TMTC3: variants seen among roughly 807,000 people sequenced by gnomAD.
The protein encoded by TMTC3 is protein O-mannosyl-transferase TMTC3.
A neutral mutation model predicts 92.2 loss-of-function variants in TMTC3; 52 were observed. The observed-to-expected ratio is 0.56, with a 90% CI of 0.45 to 0.71. The LOEUF (loss-of-function observed/expected upper bound fraction) is 0.71, where lower values mean the gene tolerates loss of function less well. Among genes scored for constraint, TMTC3 ranks in the 30% least tolerant of loss-of-function variants. The probability of loss-of-function intolerance (pLI) is 0.00; values close to 1 mark genes in which losing one functional copy is unlikely to be tolerated. For missense variants in TMTC3, 896 were observed against 1,057.1 expected (o/e 0.85, Z 2.11); for synonymous variants, 339 against 363.3 (o/e 0.93, Z 0.76).
intron 12 of TMTC3, 118 bp downstream of exon 12, chr12:88,190,740 C>A: frequency 9.5e-7 from 1 of 1,049,190 alleles, no homozygotes; most frequent in Non-Finnish European, 1.4e-6. Context: ...TCTTACTTAG[C>A]AACCAAGTGC....
intron 2 of TMTC3, among the ~76,000 whole-genome samples, chr12:88,150,792 C>T (rs564304556): frequency 2.0e-5 from 3 of 152,108 alleles, no homozygotes; most frequent in Admixed American, 6.6e-5. Context: ...CTAGAAGATA[C>T]GTGTCCACAC....
chr12:88,163,644 T>TC (rs1428809837), intron 6 of TMTC3, among the ~76,000 whole-genome samples: 7 of 150,712 alleles, frequency 4.6e-5, no homozygotes, highest in Admixed American at 1.3e-4. Context: ...GGCTTGTAAC[T>TC]CCATCACTTC....
intron 1 of TMTC3, among the ~76,000 whole-genome samples, chr12:88,145,320 G>C (rs2040859423): frequency 6.6e-6 from 1 of 152,148 alleles, no homozygotes; most frequent in Non-Finnish European, 1.5e-5. Flanking sequence ...GTTGAAGGAA[G>C]ACAAGTATCT....
intron 7 of TMTC3, among the ~76,000 whole-genome samples, chr12:88,167,841 A>T (rs2041163129): frequency 6.6e-6 from 1 of 152,244 alleles, no homozygotes; most frequent in Non-Finnish European, 1.5e-5. Flanking sequence ...AATCTTATCC[A>T]TTAACATAGA....
At chr12:88,194,743 T>C in intron 13 of TMTC3, 95 bp from the exon 14 acceptor site, 1 of 844,402 alleles carries the variant, frequency 1.2e-6, no homozygotes, top group Non-Finnish European at 1.6e-6. Context: ...GTTTTGAAGC[T>C]GTCTTTTTGT....
intron 7 of TMTC3, among the ~76,000 whole-genome samples, chr12:88,171,959 A>G (rs1293304179): frequency 1.3e-5 from 2 of 152,040 alleles, no homozygotes; most frequent in East Asian, 3.9e-4. Flanking sequence ...AGTGATGTTG[A>G]ACATTTATAT....
At chr12:88,157,055 G>C (rs558152289) in intron 4 of TMTC3, among the ~76,000 whole-genome samples, 3 of 151,920 alleles carry the variant, frequency 2.0e-5, no homozygotes, top group African/African-American at 7.2e-5. Flanking sequence ...ACAATAGAAC[G>C]TGACCTTCCT....
intron 10 of TMTC3, among the ~76,000 whole-genome samples, chr12:88,178,343 A>G (rs2041281488): frequency 6.6e-6 from 1 of 152,010 alleles, no homozygotes; most frequent in Admixed American, 6.6e-5. Flanking sequence ...GTACTTCCTT[A>G]CTTCTTTGCC....
chr12:88,186,564 G>C (rs2041380208), intron 10 of TMTC3, among the ~76,000 whole-genome samples: 1 of 152,246 alleles, frequency 6.6e-6, no homozygotes, highest in East Asian at 1.9e-4. Flanking sequence ...TCATGCTGCT[G>C]TTGTTTTGGA....
rs779799753 is a variant in TMTC3 at position 88,176,334 on chromosome 12, C to T, written c.1432+15C>T. The stretch of plus-strand genomic sequence containing the variant: ...TGTTCAGCCAGGTAAGCATTATTAA[C>T]TAATAAAATCATGAATTTTATTTTT... On this transcript the variant is annotated intron_variant, in intron 10 of 13. Coordinates refer to ENST00000266712, the MANE Select transcript of TMTC3 (RefSeq NM_181783.4). The T allele has an allele frequency of 6.5e-7, 1 of 1,531,176 alleles. No individual in the cohort carries two copies. The highest frequency in any genetic ancestry group is 8.9e-7 in the Non-Finnish European group (1 of 1,125,140). The allele number at this position is 1,531,176 out of a possible 1,614,324, so 94.8% of individuals were successfully genotyped here. A position where few individuals can be genotyped will look rare whatever the true frequency, so the allele number is the denominator to read the frequency against.
At chr12:88,146,197 A>G (rs1417322777) in intron 1 of TMTC3, among the ~76,000 whole-genome samples, 1 of 152,132 alleles carries the variant, frequency 6.6e-6, no homozygotes, top group Admixed American at 6.5e-5. Flanking sequence ...TGACTCCACA[A>G]CTGAGCTCGT....
intron 4 of TMTC3, among the ~76,000 whole-genome samples, chr12:88,155,755 T>C (rs1484982791): frequency 6.6e-6 from 1 of 152,238 alleles, no homozygotes; most frequent in African/African-American, 2.4e-5. Context: ...TACTTGTACT[T>C]GGTGCTTTTT....
intron 2 of TMTC3, 39 bp from the exon 3 acceptor site, chr12:88,153,252 A>G (rs2040964768): frequency 2.7e-6 from 4 of 1,472,976 alleles, no homozygotes; most frequent in Non-Finnish European, 3.7e-6. Context: ...CTGTTGGACC[A>G]AGGTACTTTA....
intron 7 of TMTC3, 53 bp downstream of exon 7, chr12:88,166,635 A>T (rs1161386658): frequency 2.6e-6 from 4 of 1,544,742 alleles, no homozygotes; most frequent in Admixed American, 2.0e-5. Context: ...TTGAATAAGT[A>T]AGAAACTACC....
At chr12:88,160,987 C>T in intron 6 of TMTC3, 136 bp downstream of exon 6, 2 of 838,918 alleles carry the variant, frequency 2.4e-6, no homozygotes, top group South Asian at 3.9e-5. Context: ...TTTTAAACTG[C>T]ATATATTTAA....
At chr12:88,177,043 G>A (rs2041267300) in intron 10 of TMTC3, among the ~76,000 whole-genome samples, 1 of 151,976 alleles carries the variant, frequency 6.6e-6, no homozygotes. Flanking sequence ...AAACCAGTTT[G>A]GGCCAGACAC....
At chr12:88,150,024 A>G (rs1592721829) in intron 2 of TMTC3, among the ~76,000 whole-genome samples, 1 of 152,284 alleles carries the variant, frequency 6.6e-6, no homozygotes, top group East Asian at 1.9e-4. Flanking sequence ...GCCATATTAA[A>G]TGGTCTCATT....
chr12:88,172,521 C>T (rs2041215494), intron 7 of TMTC3, 76 bp from the exon 8 acceptor site: 4 of 807,632 alleles, frequency 5.0e-6, no homozygotes, highest in Non-Finnish European at 4.9e-6. Context: ...GTATCAGATG[C>T]CCATATATTT....
intron 4 of TMTC3, among the ~76,000 whole-genome samples, chr12:88,158,398 C>G (rs1261197712): frequency 1.3e-5 from 2 of 151,984 alleles, no homozygotes; most frequent in African/African-American, 4.8e-5. Context: ...CTTCTGATTT[C>G]TTCCTCTATG....
Sources: allele counts gnomAD v4.1 joint callset (sites outside exome capture counted in the v4.1 genomes callset), GRCh38; gene constraint gnomAD v4.1.1; transcripts MANE v1.5; gene names NCBI Gene and HGNC (gene_info 2026-07-23, HGNC 2026-07-21).